Variants in VPS16 observed in about 807,000 individuals in gnomAD.
The protein encoded by VPS16 is VPS16 core subunit of CORVET and HOPS complexes.
VPS16 carries 82 observed loss-of-function variants against 116.0 expected under a neutral mutation model. The ratio of observed to expected loss-of-function variants is 0.71; its 90% CI spans 0.59 to 0.85. The LOEUF is 0.85. Among genes scored for constraint, VPS16 ranks in the 40% least tolerant of loss-of-function variants. The pLI, the probability that VPS16 is intolerant of heterozygous loss-of-function variation, is 0.00. For missense variants in VPS16, 928 were observed against 1,090.6 expected, an observed-to-expected ratio of 0.85 and a Z score of 2.10; for synonymous variants, 406 against 420.7, an observed-to-expected ratio of 0.96 and a Z score of 0.43.
At position 2,864,579 on chromosome 20, in the gene VPS16, G is replaced by C. The variant is rs761862824; in HGVS notation, c.1851G>C (p.Lys617Asn). 1 of 1,614,150 alleles carries C rather than the reference G, an allele frequency of 6.2e-7. No homozygotes were observed. Among genetic ancestry groups the C allele is most frequent in the South Asian group, 1.1e-5 (1 of 91,070 alleles). ...FCKHQELETL[K>N]DLYNQDDNHQ... The stretch of plus-strand genomic sequence containing the variant: ...AGCATCAGGAGCTAGAGACGCTGAA[G>C]GACCTTTACAATCAGGATGACAATC... The change falls in exon 19 of 24, where the codon AAG becomes AAC. Residue 617 changes from lysine (K) to asparagine (N), a missense_variant. Coordinates refer to ENST00000380445, the MANE Select transcript of VPS16 (RefSeq NM_022575.4). The surrounding 1 kb of genome is among the most constrained non-coding windows in gnomAD (Gnocchi z 5.2).
chr20:2,859,606 C>G (rs1465120083), intron 1 of VPS16, 113 bp from the exon 2 acceptor site: 83 of 1,257,400 alleles, frequency 6.6e-5, no homozygotes, highest in Non-Finnish European at 9.4e-5. Context: ...AGAGTGGAGA[C>G]TTCCTCTACA....
chr20:2,859,920 G>A (rs2089209127), intron 2 of VPS16, 113 bp downstream of exon 2: 4 of 1,482,594 alleles, frequency 2.7e-6, no homozygotes, highest in Non-Finnish European at 3.7e-6. Flanking sequence ...CACTCACCCT[G>A]CTGAGATGCT....
chr20:2,840,948 C>T, intron 1 of VPS16, 121 bp downstream of exon 1: 5 of 975,346 alleles, frequency 5.1e-6, no homozygotes, highest in Non-Finnish European at 7.4e-6. Flanking sequence ...CGCCGGCTCT[C>T]CCCGAGCGTC....
rs1440743774 is a variant in VPS16 at position 2,866,196 on chromosome 20, C to A, written c.2272-16C>A. The A allele has an allele frequency of 3.3e-5, 54 of 1,613,404 alleles. No homozygotes were observed. Among genetic ancestry groups the A allele is most frequent in the Non-Finnish European group, 4.6e-5 (54 of 1,179,490 alleles). ...GTGCATTACCTTCTCCCTCCACCCG[C>A]TTCCTCTCCTCCAAGCCTTTTGTGG... On this transcript the variant is annotated splice_polypyrimidine_tract_variant and intron_variant, in intron 22 of 23. Coordinates refer to ENST00000380445, the MANE Select transcript of VPS16 (RefSeq NM_022575.4).
rs773315467 is a variant in VPS16 at position 2,863,138 on chromosome 20, G to T, written c.1367+38G>T. 3 of 1,613,006 alleles carry T rather than the reference G, an allele frequency of 1.9e-6. No individual in the cohort carries two copies. Among genetic ancestry groups the T allele is most frequent in the East Asian group, 2.2e-5 (1 of 44,862 alleles). On this transcript the variant is annotated intron_variant, in intron 14 of 23. Coordinates refer to ENST00000380445, the MANE Select transcript of VPS16 (RefSeq NM_022575.4). The surrounding 1 kb of genome is among the most constrained non-coding windows in gnomAD (Gnocchi z 4.4). ...CAAGGGTGCAGTGAGCGGGCTGTCA[G>T]GGGGGTGGGCATTACAGCCTTGGGT...
In VPS16 at chr20:2,863,828, A is replaced by AGAAG. The variant is rs1430383117; in HGVS notation, c.1477-118_1477-117insGGAA. The AGAAG allele has an allele frequency of 4.3e-6, 6 of 1,379,852 alleles. No homozygotes were observed. The African/African-American group carries it at 8.8e-5, about 20-fold the overall frequency. The allele number at this position is 1,379,852 out of a possible 1,614,324, so 85.5% of individuals were successfully genotyped here. A position where few individuals can be genotyped will look rare whatever the true frequency, so the allele number is the denominator to read the frequency against. On this transcript the variant is annotated intron_variant, in intron 15 of 23. Coordinates refer to ENST00000380445, the MANE Select transcript of VPS16 (RefSeq NM_022575.4). The surrounding 1 kb of genome is among the most constrained non-coding windows in gnomAD (Gnocchi z 4.4). Reference sequence around the variant, plus strand: ...AGAGAGAGAAAGAAGAAAGAGAGAAAGAAAGAAAGAAGAAGGAAGGGAGGG... The same window carrying AGAAG: ...AGAGAGAGAAAGAAGAAAGAGAGAAAGAAGGAAAGAAAGAAGAAGGAAGGGAGGG...
rs199677593 is a variant in VPS16, at chr20:2,860,777, G to A, written c.544G>A (p.Val182Met). 8 of 1,614,028 alleles carry A rather than the reference G, an allele frequency of 5.0e-6. No homozygotes were observed. Among genetic ancestry groups the A allele is most frequent in the East Asian group, 4.5e-5 (2 of 44,880 alleles). ...GLQSAPSCWT[V>M]LCQDRVAHIL... ...GCAAAGTGCACCCTCCTGCTGGACT[G>A]TGCTGTGCCAGGACCGAGTGGCACA... The change falls in exon 6 of 24, where the codon GTG (valine) becomes ATG (methionine). Residue 182 changes from valine to methionine, a missense_variant. Physicochemically the swap from Val to Met is conservative, Grantham distance 21. Transcript: ENST00000380445. This position sits in a 1 kb window ranked among gnomAD's most constrained non-coding sequence, Gnocchi z 6.1.
chr20:2,866,400 A>T, intron 23 of VPS16, 30 bp from the exon 24 acceptor site: 1 of 1,614,088 alleles, frequency 6.2e-7, no homozygotes, highest in South Asian at 1.1e-5. Context: ...AGCAGCCCCA[A>T]CACCACCTCC....
At position 2,866,657 on chromosome 20, in the gene VPS16, C is replaced by T. The variant is rs2089354422; in HGVS notation, c.*83C>T. On this transcript the variant is annotated 3_prime_UTR_variant, in exon 24 of 24. Transcript: ENST00000380445. ...AGAAGGGCCATAGTTCATCCAGCTC[C>T]TCCCCTAGAGCAATGCTGAGGAGCG... 1.3e-6 allele frequency: 2 copies of T among 1,577,462 alleles called. No individual in the cohort carries two copies. Among genetic ancestry groups the T allele is most frequent in the African/African-American group, 2.7e-5 (2 of 74,084 alleles).
intron 1 of VPS16, among the ~76,000 whole-genome samples, chr20:2,844,174 C>A (rs896218042): frequency 6.6e-6 from 1 of 152,170 alleles, no homozygotes; most frequent in African/African-American, 2.4e-5. Flanking sequence ...GAGCATGTTT[C>A]ACCTTTTCCA....
At chr20:2,842,717 CAT>C (rs1217482236) in intron 1 of VPS16, among the ~76,000 whole-genome samples, 1 of 66,768 alleles carries the variant, frequency 1.5e-5, no homozygotes, top group Admixed American at 1.5e-4. Flanking sequence ...TATAGATAGA[CAT>C]ATGGATGTAT....
rs1203140522 is a variant in VPS16 at position 2,841,169 on chromosome 20, G to C, written c.53+342G>C. On this transcript the variant is annotated intron_variant, in intron 1 of 23. Coordinates refer to ENST00000380445, the MANE Select transcript of VPS16 (RefSeq NM_022575.4). The stretch of plus-strand genomic sequence containing the variant: ...GTGCTGCTGAAGTCAGACCACAGGG[G>C]CGCTCCGAGGGGGGCGGGATCGCAC... 1.1e-5 allele frequency: 4 copies of C among 356,172 alleles called. No individual in the cohort carries two copies. In the East Asian group the frequency reaches 2.0e-4, roughly 17 times the overall value. 22.1% of individuals were successfully genotyped at this position (356,172 alleles called of 1,614,324 possible).
Position 2,860,725 on chromosome 20 carries a change from A to C in VPS16, c.515-23A>C. ...AACGGTGGGCCTTGGTCATCCTAAC[A>C]CTGTCCTTTTCCCTGGCCATAGGTC... On this transcript the variant is annotated intron_variant, in intron 5 of 23. Coordinates refer to ENST00000380445, the MANE Select transcript of VPS16 (RefSeq NM_022575.4). The surrounding 1 kb of genome is among the most constrained non-coding windows in gnomAD (Gnocchi z 6.1). 6.2e-7 allele frequency: 1 copy of C among 1,613,432 alleles called. No homozygotes were observed. The highest frequency in any genetic ancestry group is 1.7e-4 in the Middle Eastern group (1 of 6,060).
At chr20:2,854,265 A>ACACACACACACACAC (rs375390884) in intron 1 of VPS16, among the ~76,000 whole-genome samples, 4 of 149,000 alleles carry the variant, frequency 2.7e-5, no homozygotes, top group East Asian at 3.9e-4. Context: ...ACACACACAC[A>ACACACACACACACAC]AATTTTTTAG....
chr20:2,850,395 G>A (rs555034516), intron 1 of VPS16, among the ~76,000 whole-genome samples: 2 of 152,220 alleles, frequency 1.3e-5, no homozygotes, highest in Admixed American at 6.5e-5. Flanking sequence ...TTGAGAGGCC[G>A]AGGTGAGCAG....
intron 1 of VPS16, among the ~76,000 whole-genome samples, chr20:2,854,368 A>G (rs2325973): frequency 0.19 from 28,608 of 151,646 alleles, 4,057 homozygotes; most frequent in African/African-American, 0.4. Context: ...CTTCAAGGCT[A>G]CAGTGAGCCA....
chr20:2,846,658 A>G (rs1282485629), intron 1 of VPS16, among the ~76,000 whole-genome samples: 3 of 152,112 alleles, frequency 2.0e-5, no homozygotes, highest in African/African-American at 7.2e-5. Context: ...ATTATACCCC[A>G]AGGCAACCAG....
Position 2,863,841 on chromosome 20 carries a change from A to G in VPS16, c.1477-108A>G, listed in dbSNP as rs1046781277. ...AGAAAGAGAGAAAGAAAGAAAGAAG[A>G]AGGAAGGGAGGGAGGAAGGGAACTG... On this transcript the variant is annotated intron_variant, in intron 15 of 23. Coordinates refer to ENST00000380445, the MANE Select transcript of VPS16 (RefSeq NM_022575.4). The surrounding 1 kb of genome is among the most constrained non-coding windows in gnomAD (Gnocchi z 4.4). 151 of 1,229,056 alleles carry G rather than the reference A, an allele frequency of 1.2e-4. No individual in the cohort carries two copies. The highest frequency in any genetic ancestry group is 1.6e-4 in the Non-Finnish European group (141 of 902,374). 76.1% of individuals were successfully genotyped at this position (1,229,056 alleles called of 1,614,324 possible).
chr20:2,840,964 C>T, intron 1 of VPS16, 137 bp downstream of exon 1: 1 of 818,706 alleles, frequency 1.2e-6, no homozygotes, highest in Non-Finnish European at 1.9e-6. Context: ...GCGTCTGCCA[C>T]TTAGCGCACA....
Sources: gnomAD v4.1 joint callset for allele counts (sites outside exome capture counted in the v4.1 genomes callset) on GRCh38, gnomAD v4.1.1 for gene constraint, Gnocchi (gnomAD v3.1) non-coding constraint, MANE v1.5 for transcripts, NCBI Gene and HGNC (gene_info 2026-07-23, HGNC 2026-07-21) for gene names.